The following RPGR variants were observed in gnomAD, a reference collection of about 807,000 sequenced individuals.
RPGR encodes X-linked retinitis pigmentosa GTPase regulator.
A neutral mutation model predicts 56.3 loss-of-function variants in RPGR; 10 were observed. The observed-to-expected ratio is 0.18, with a 90% CI of 0.11 to 0.30. The LOEUF (loss-of-function observed/expected upper bound fraction) is 0.30. Ranked by LOEUF, RPGR falls within the 10% of genes least tolerant of loss-of-function variation. RPGR has a pLI of 1.00. For missense variants in RPGR, 538 were observed against 590.9 expected, an observed-to-expected ratio of 0.91 and a Z score of 0.93; for synonymous variants, 197 against 212.9, an observed-to-expected ratio of 0.93 and a Z score of 0.65.
chrX:38,306,328 A>G (rs907224886), intron 7 of RPGR, among the ~76,000 whole-genome samples: 2 of 112,483 alleles, frequency 1.8e-5, no homozygotes, highest in African/African-American at 6.5e-5. Context: ...ATTAAAAGAG[A>G]AAACATTCAG....
intron 18 of RPGR, among the ~76,000 whole-genome samples, chrX:38,272,928 A>G (rs1056789459): frequency 8.9e-6 from 1 of 111,975 alleles, no homozygotes; most frequent in East Asian, 2.8e-4. Context: ...TGAGTAAAAA[A>G]GTAGTATAAA....
At chrX:38,284,592 C>T (rs1360556337) in intron 15 of RPGR, 17 of 745,221 alleles carry the variant, frequency 2.3e-5, no homozygotes, top group East Asian at 1.5e-4. Context: ...AGACAAGAGA[C>T]GTTAAAGCTG....
rs5902182 is a variant in RPGR at position 38,305,746 on chromosome X, A to AAAAATAAAATAAAAT, written c.779-971_779-957dup. Among the ~76,000 whole-genome samples the AAAAATAAAATAAAAT allele has an allele frequency of 8.3e-3, 711 of 85,476 alleles. 9 individuals are homozygous for AAAAATAAAATAAAAT. Among genetic ancestry groups the AAAAATAAAATAAAAT allele is most frequent in the African/African-American group, 0.029 (673 of 22,889 alleles). The allele number at this position is 85,476 out of a possible 115,157, so 74.2% of individuals were successfully genotyped here. On this transcript the variant is annotated intron_variant, in intron 7 of 18. Coordinates refer to ENST00000642395, the MANE Select transcript of RPGR (RefSeq NM_000328.3). Reference sequence around the variant, plus strand: ...GGGCAACAGAGCAAGACTCCATCTCAAAAATAAAATAAAATAAAATAAAAT... The same window carrying AAAAATAAAATAAAAT: ...GGGCAACAGAGCAAGACTCCATCTCAAAAATAAAATAAAATAAAATAAAATAAAATAAAATAAAAT...
chrX:38,305,313 G>T (rs2067575276), intron 7 of RPGR, among the ~76,000 whole-genome samples: 1 of 111,396 alleles, frequency 9.0e-6, no homozygotes, highest in Non-Finnish European at 1.9e-5. Context: ...ACATAGGGAG[G>T]CTGAGGCACA....
chrX:38,310,524 T>TAA (rs35587043), intron 7 of RPGR, 91 bp downstream of exon 7: 14 of 843,118 alleles, frequency 1.7e-5, no homozygotes, highest in African/African-American at 6.3e-5. Context: ...CTTACCACAA[T>TAA]AAAAAAATGA....
chrX:38,280,986 ATAC>A (rs1265624132), intron 15 of RPGR, among the ~76,000 whole-genome samples: 2 of 112,216 alleles, frequency 1.8e-5, no homozygotes, highest in African/African-American at 3.2e-5. Context: ...TTGGCTGATC[ATAC>A]TACTTTATAA....
intron 15 of RPGR, chrX:38,286,881 A>T (rs1411663951): frequency 8.4e-7 from 1 of 1,196,141 alleles, no homozygotes; most frequent in Non-Finnish European, 1.1e-6. Flanking sequence ...GCTCTTCCCC[A>T]TCCCTCTTCT....
rs1799325384 is a variant in RPGR, at chrX:38,285,929, C to A, written c.1905+1165G>T. 1 of 1,003,875 alleles carries A rather than the reference C, an allele frequency of 1.0e-6. No homozygotes were observed. The highest frequency in any genetic ancestry group is 3.2e-5 in the East Asian group (1 of 31,325). The allele number at this position is 1,003,875 out of a possible 1,213,427, so 82.7% of individuals were successfully genotyped here. On this transcript the variant is annotated intron_variant, in intron 15 of 18. Coordinates refer to ENST00000642395, the MANE Select transcript of RPGR (RefSeq NM_000328.3). Reference sequence around the variant, plus strand: ...CCCTCTCCTTCCTCCCCTTCCACCTCCCCTTCCACTTCCCCTTCCTCTTCT... The same window carrying A: ...CCCTCTCCTTCCTCCCCTTCCACCTACCCTTCCACTTCCCCTTCCTCTTCT...
chrX:38,273,567 T>C (rs1240140938), intron 17 of RPGR: 1 of 666,524 alleles, frequency 1.5e-6, no homozygotes, highest in Admixed American at 2.7e-5. Flanking sequence ...GAACCCTGAG[T>C]TGTGGGGTAA....
chrX:38,316,205 T>C (rs1302199341), intron 6 of RPGR, among the ~76,000 whole-genome samples: 1 of 111,302 alleles, frequency 9.0e-6, no homozygotes, highest in Non-Finnish European at 1.9e-5. Flanking sequence ...CCTGTGAATA[T>C]GCTAAAAGAC....
chrX:38,310,906 TAAAG>T, intron 6 of RPGR, 133 bp from the exon 7 acceptor site: 1 of 522,232 alleles, frequency 1.9e-6, no homozygotes, highest in Non-Finnish European at 3.2e-6. Context: ...TACTGTATGA[TAAAG>T]AAATAAAGCT....
intron 13 of RPGR, among the ~76,000 whole-genome samples, chrX:38,289,966 G>A (rs1217405425): frequency 9.0e-6 from 1 of 111,629 alleles, no homozygotes; most frequent in African/African-American, 3.3e-5. Context: ...GTGTCTGCTT[G>A]GAAGTATGGT....
At chrX:38,270,867 G>A (rs2066832585) in intron 18 of RPGR, among the ~76,000 whole-genome samples, 1 of 111,089 alleles carries the variant, frequency 9.0e-6, no homozygotes, top group Non-Finnish European at 1.9e-5. Context: ...GGCAGAAGAG[G>A]AGCTAGAACT....
At chrX:38,304,882 T>C (rs1264844378) in intron 7 of RPGR, 92 bp from the exon 8 acceptor site, 28 of 840,043 alleles carry the variant, frequency 3.3e-5, no homozygotes, top group Non-Finnish European at 4.4e-5. Flanking sequence ...CAACCTTTTA[T>C]AGTGAAGGTT....
At chrX:38,282,223 G>A (rs1319717226) in intron 15 of RPGR, among the ~76,000 whole-genome samples, 1 of 110,757 alleles carries the variant, frequency 9.0e-6, no homozygotes, top group Non-Finnish European at 1.9e-5. Context: ...TCTGCCCCTG[G>A]CCCTCTACTA....
At chrX:38,314,951 C>T (rs1486487407) in intron 6 of RPGR, among the ~76,000 whole-genome samples, 1 of 111,777 alleles carries the variant, frequency 8.9e-6, no homozygotes, top group Non-Finnish European at 1.9e-5. Context: ...AAAGAGATAT[C>T]TGCACTCCCA....
At chrX:38,292,704 T>C (rs1404782586) in intron 11 of RPGR, among the ~76,000 whole-genome samples, 3 of 112,686 alleles carry the variant, frequency 2.7e-5, no homozygotes, top group Admixed American at 9.4e-5. Flanking sequence ...GTATTAGCAA[T>C]TGCAATTTTG....
At chrX:38,292,799 G>T (rs1569241758) in intron 11 of RPGR, among the ~76,000 whole-genome samples, 1 of 111,273 alleles carries the variant, frequency 9.0e-6, no homozygotes, top group African/African-American at 3.3e-5. Context: ...TGGCAATCAG[G>T]AAAAGTTTCA....
intron 9 of RPGR, among the ~76,000 whole-genome samples, chrX:38,300,662 G>A (rs1366420542): frequency 5.4e-5 from 6 of 111,278 alleles, no homozygotes; most frequent in Admixed American, 3.8e-4. Flanking sequence ...AGCCTCCCAA[G>A]TAGTTGGGAT....
Sources: gnomAD v4.1 joint callset for allele counts (sites outside exome capture counted in the v4.1 genomes callset) on GRCh38, gnomAD v4.1.1 for gene constraint, MANE v1.5 for transcripts, NCBI Gene and HGNC (gene_info 2026-07-23, HGNC 2026-07-21) for gene names.